NOL4L: variants seen among roughly 807,000 people sequenced by gnomAD.
The protein encoded by NOL4L is nucleolar protein 4 like, also known as nucleolar protein 4-like.
In NOL4L, 7 loss-of-function variants were observed where a neutral mutation model predicts 64.5. That is an observed-to-expected ratio of 0.11 (90% CI 0.06 to 0.20). NOL4L has a LOEUF of 0.20. NOL4L is among the 10% of genes least tolerant of loss of function. The probability of loss-of-function intolerance (pLI) is 1.00; values close to 1 mark genes in which losing one functional copy is unlikely to be tolerated. For synonymous variants in NOL4L, 413 were observed against 401.0 expected (o/e 1.03, Z -0.36); for missense variants, 680 against 967.1 (o/e 0.70, Z 3.94).
intron 1 of NOL4L, among the ~76,000 whole-genome samples, chr20:32,545,577 T>C (rs2018721019): frequency 6.8e-6 from 1 of 146,282 alleles, no homozygotes; most frequent in African/African-American, 2.5e-5. Flanking sequence ...CCCACAGCCC[T>C]GGCCACCACC....
chr20:32,551,184 T>C (rs768501072), intron 1 of NOL4L, among the ~76,000 whole-genome samples: 26 of 151,868 alleles, frequency 1.7e-4, no homozygotes, highest in Non-Finnish European at 1.5e-4. Context: ...GAGACCAGCC[T>C]GGCCAACATA....
At chr20:32,449,728 G>C (rs558631817) in intron 10 of NOL4L, 1 of 152,288 alleles carries the variant, frequency 6.6e-6, no homozygotes, top group Non-Finnish European at 1.5e-5. Context: ...TGAGAAGCTT[G>C]GAACAGGAGT....
At chr20:32,569,742 G>A (rs1979645531) in intron 1 of NOL4L, among the ~76,000 whole-genome samples, 1 of 152,106 alleles carries the variant, frequency 6.6e-6, no homozygotes, top group Non-Finnish European at 1.5e-5. Flanking sequence ...GGGGGTACCT[G>A]GTACTCCCAG....
chr20:32,584,139 A>G (rs1200928825), intron 1 of NOL4L, among the ~76,000 whole-genome samples: 1 of 117,132 alleles, frequency 8.5e-6, no homozygotes, highest in East Asian at 3.5e-4. Context: ...GCGCGCACAC[A>G]CACACACACA....
chr20:32,571,008 A>G (rs1031822671), intron 1 of NOL4L, among the ~76,000 whole-genome samples: 1 of 152,140 alleles, frequency 6.6e-6, no homozygotes, highest in Admixed American at 6.5e-5. Flanking sequence ...CCACACAGCG[A>G]CTATGCAGTG....
intron 1 of NOL4L, among the ~76,000 whole-genome samples, chr20:32,566,317 A>ATT (rs1979428238): frequency 6.6e-6 from 1 of 152,130 alleles, no homozygotes; most frequent in Non-Finnish European, 1.5e-5. Context: ...GAGGAGCTGG[A>ATT]TGATAGTAGC....
chr20:32,538,466 C>CCTCCCTCG (rs2018592322), intron 1 of NOL4L, among the ~76,000 whole-genome samples: 1 of 17,196 alleles, frequency 5.8e-5, no homozygotes, highest in Non-Finnish European at 9.2e-5. Flanking sequence ...TCCCTCGCTC[C>CCTCCCTCG]CTCCCTCCCT....
intron 1 of NOL4L, among the ~76,000 whole-genome samples, chr20:32,539,659 C>T (rs1050430657): frequency 2.0e-5 from 3 of 152,152 alleles, no homozygotes; most frequent in Admixed American, 1.3e-4. Context: ...AAATTTCTTG[C>T]GGTCTTTTTC....
intron 4 of NOL4L, among the ~76,000 whole-genome samples, chr20:32,476,584 A>T (rs2015414954): frequency 6.6e-6 from 1 of 152,234 alleles, no homozygotes; most frequent in Admixed American, 6.5e-5. Context: ...GTATTCTAGT[A>T]ACAGTTGAAA....
At chr20:32,531,544 C>T (rs183379419) in intron 1 of NOL4L, among the ~76,000 whole-genome samples, 11 of 152,028 alleles carry the variant, frequency 7.2e-5, no homozygotes, top group African/African-American at 7.2e-5. Flanking sequence ...GGAGAGATGG[C>T]GTTTCACCAT....
At position 32,585,319 on chromosome 20, in the gene NOL4L, G is replaced by T. The variant is rs1980815977; in HGVS notation, c.-429C>A. ...GCAGCAGTGGCTGTCAGCTTGCGCG[G>T]CTCATCCTGCTCTTGCTCAGGCTCC... On this transcript the variant is annotated 5_prime_UTR_variant, in exon 1 of 11. Coordinates refer to ENST00000621426, the MANE Select transcript of NOL4L (RefSeq NM_001256798.2). 6.7e-6 allele frequency among the ~76,000 whole-genome samples: 1 copy of T among 149,188 alleles called. No individual in the cohort carries two copies. The highest frequency in any genetic ancestry group is 2.4e-5 in the African/African-American group (1 of 41,126).
At chr20:32,542,428 A>G (rs1275394443) in intron 1 of NOL4L, among the ~76,000 whole-genome samples, 1 of 152,170 alleles carries the variant, frequency 6.6e-6, no homozygotes, top group Non-Finnish European at 1.5e-5. Context: ...ATCACGGCTC[A>G]CTGCAGCCTC....
chr20:32,456,681 G>A (rs2013565883), intron 5 of NOL4L, among the ~76,000 whole-genome samples: 1 of 152,210 alleles, frequency 6.6e-6, no homozygotes, highest in Admixed American at 6.5e-5. Flanking sequence ...TTATGTCCAG[G>A]CTTAAGGGAG....
chr20:32,468,847 C>T (rs975609472), intron 5 of NOL4L, among the ~76,000 whole-genome samples: 1 of 143,656 alleles, frequency 7.0e-6, no homozygotes, highest in Admixed American at 7.2e-5. Flanking sequence ...TGCAGTGAGC[C>T]GAGATTACAC....
chr20:32,538,797 C>CG (rs1159488145), intron 1 of NOL4L, among the ~76,000 whole-genome samples: 1 of 152,156 alleles, frequency 6.6e-6, no homozygotes, highest in East Asian at 1.9e-4. Context: ...GCCAGGGCGT[C>CG]GCTCCCGTCT....
intron 1 of NOL4L, among the ~76,000 whole-genome samples, chr20:32,549,119 A>G (rs867874001): frequency 6.6e-6 from 1 of 152,232 alleles, no homozygotes; most frequent in South Asian, 2.1e-4. Flanking sequence ...ATTGCACTTA[A>G]TTAAAATTAA....
rs750608822 is a variant in NOL4L at position 32,445,408 on chromosome 20, G to C, written c.*2188C>G. 6.6e-6 allele frequency: 1 copy of C among 152,312 alleles called. No homozygotes were observed. Among genetic ancestry groups the C allele is most frequent in the East Asian group, 1.9e-4 (1 of 5,196 alleles). 9.4% of individuals were successfully genotyped at this position (152,312 alleles called of 1,614,324 possible). A position where few individuals can be genotyped will look rare whatever the true frequency, so the allele number is the denominator to read the frequency against. Reference sequence around the variant, plus strand: ...CTGCCTCTGGGAGGAGAAGTGACACGTTAAGTAACTGATACCAGGAATTCT... The same window carrying C: ...CTGCCTCTGGGAGGAGAAGTGACACCTTAAGTAACTGATACCAGGAATTCT... On this transcript the variant is annotated 3_prime_UTR_variant, in exon 11 of 11. Coordinates refer to ENST00000621426, the MANE Select transcript of NOL4L (RefSeq NM_001256798.2).
chr20:32,475,241 C>T (rs2015314362), intron 4 of NOL4L: 1 of 985,350 alleles, frequency 1.0e-6, no homozygotes, highest in Non-Finnish European at 1.2e-6. Context: ...ATTCCTTTCT[C>T]CCACTCCCCC....
At chr20:32,555,527 G>A (rs1978595150) in intron 1 of NOL4L, among the ~76,000 whole-genome samples, 1 of 151,764 alleles carries the variant, frequency 6.6e-6, no homozygotes, top group African/African-American at 2.4e-5. Context: ...CAACCCCCTG[G>A]GTTCCAGCAA....
Sources: gnomAD v4.1 joint callset for allele counts (sites outside exome capture counted in the v4.1 genomes callset) on GRCh38, gnomAD v4.1.1 for gene constraint, MANE v1.5 for transcripts, NCBI Gene and HGNC (gene_info 2026-07-23, HGNC 2026-07-21) for gene names.